LIN52: variants seen among roughly 807,000 people sequenced by gnomAD.
LIN52 encodes the protein protein lin-52 homolog.
A neutral mutation model predicts 18.5 loss-of-function variants in LIN52; 4 were observed. The ratio of observed to expected loss-of-function variants is 0.22; its 90% CI spans 0.11 to 0.49. The LOEUF (loss-of-function observed/expected upper bound fraction) is 0.49. Ranked by LOEUF, LIN52 falls within the 20% of genes least tolerant of loss-of-function variation. The pLI, the probability that LIN52 is intolerant of heterozygous loss-of-function variation, is 0.97. For missense variants in LIN52, 102 were observed against 139.5 expected (o/e 0.73, Z 1.35); for synonymous variants, 34 against 45.5 (o/e 0.75, Z 1.02).
chr14:74,103,733 GT>G (rs573188668), intron 5 of LIN52, among the ~76,000 whole-genome samples: 587 of 45,960 alleles, frequency 0.013, 12 homozygotes, highest in Admixed American at 0.018. Flanking sequence ...GGCCTGGCCA[GT>G]TTTTTTTTTT....
intron 5 of LIN52, among the ~76,000 whole-genome samples, chr14:74,179,896 T>C (rs1548769): frequency 0.78 from 117,967 of 152,050 alleles, 46,084 homozygotes; most frequent in Admixed American, 0.81. Context: ...GCTAATGGTT[T>C]TCAGACTTTA....
intron 5 of LIN52, among the ~76,000 whole-genome samples, chr14:74,130,714 C>T (rs1280560603): frequency 6.6e-6 from 1 of 151,246 alleles, no homozygotes; most frequent in Non-Finnish European, 1.5e-5. Context: ...CTCAGCCTCC[C>T]AAGTAGCTGG....
At chr14:74,174,092 C>G (rs1316896339) in intron 5 of LIN52, among the ~76,000 whole-genome samples, 4 of 152,244 alleles carry the variant, frequency 2.6e-5, no homozygotes, top group Non-Finnish European at 5.9e-5. Flanking sequence ...TTTTGCTCAG[C>G]TCTAGACATC....
intron 5 of LIN52, among the ~76,000 whole-genome samples, chr14:74,112,166 C>A (rs1248748977): frequency 6.6e-6 from 1 of 152,206 alleles, no homozygotes; most frequent in Non-Finnish European, 1.5e-5. Context: ...AGGCATGAGC[C>A]ACAGCACCTG....
chr14:74,135,240 A>G (rs2061090989), intron 5 of LIN52, among the ~76,000 whole-genome samples: 1 of 151,884 alleles, frequency 6.6e-6, no homozygotes, highest in African/African-American at 2.4e-5. Flanking sequence ...GATTTTTTAT[A>G]TTTTAGTAGA....
intron 1 of LIN52, among the ~76,000 whole-genome samples, chr14:74,089,693 TAGAG>T (rs1283099822): frequency 2.0e-5 from 3 of 152,018 alleles, no homozygotes; most frequent in Non-Finnish European, 4.4e-5. Context: ...TATATGTAAA[TAGAG>T]AGGGATTCAA....
chr14:74,105,005 A>G (rs564523652), intron 5 of LIN52, among the ~76,000 whole-genome samples: 1 of 152,298 alleles, frequency 6.6e-6, no homozygotes, highest in African/African-American at 2.4e-5. Context: ...TCTAAAAAGG[A>G]CTGTATCTTA....
intron 5 of LIN52, among the ~76,000 whole-genome samples, chr14:74,166,553 G>A (rs867669478): frequency 5.6e-4 from 85 of 152,220 alleles, no homozygotes; most frequent in African/African-American, 2.0e-3. Context: ...CATATTTTCA[G>A]TTTTGTGTCA....
chr14:74,173,294 TCTC>T (rs1375960352), intron 5 of LIN52, among the ~76,000 whole-genome samples: 1 of 152,150 alleles, frequency 6.6e-6, no homozygotes, highest in African/African-American at 2.4e-5. Context: ...TTCAAGTGAT[TCTC>T]CTGCCTCAGC....
chr14:74,173,050 C>G (rs1487297746), intron 5 of LIN52, among the ~76,000 whole-genome samples: 5 of 152,122 alleles, frequency 3.3e-5, no homozygotes, highest in African/African-American at 7.2e-5. Context: ...TAGCACAATA[C>G]TGACATAGAA....
intron 5 of LIN52, among the ~76,000 whole-genome samples, chr14:74,117,837 A>G (rs1217253191): frequency 6.6e-6 from 1 of 152,250 alleles, no homozygotes; most frequent in Non-Finnish European, 1.5e-5. Context: ...GGAAATCTGG[A>G]GAAATAATGA....
chr14:74,112,314 A>T (rs1475724973), intron 5 of LIN52, among the ~76,000 whole-genome samples: 34 of 136,636 alleles, frequency 2.5e-4, no homozygotes, highest in African/African-American at 6.6e-4. Flanking sequence ...GTTTTTTTTT[A>T]AATTTTTTTT....
rs545788419 is a variant in LIN52 at position 74,190,325 on chromosome 14, G to A, written c.284-8597G>A. Among the ~76,000 whole-genome samples, 3 of 147,092 alleles carry A rather than the reference G, an allele frequency of 2.0e-5. No individual in the cohort carries two copies. The East Asian group carries it at 6.2e-4, about 30-fold the overall frequency. On this transcript the variant is annotated intron_variant, in intron 5 of 5. Transcript: ENST00000555028. ...AGTCTGTGATAGTTTGATCCAGACTGTTCTTTTCTCAGGTATATAGTATTT... is the reference window on the plus strand; with the variant it reads ...AGTCTGTGATAGTTTGATCCAGACTATTCTTTTCTCAGGTATATAGTATTT...
chr14:74,130,281 T>TTTTTTTTTG (rs1566856524), intron 5 of LIN52, among the ~76,000 whole-genome samples: 4 of 77,398 alleles, frequency 5.2e-5, no homozygotes, highest in South Asian at 9.3e-4. Context: ...TTTTTTGGTT[T>TTTTTTTTTG]TTTTTTTTTT....
At chr14:74,102,085 A>G (rs2060861679) in intron 5 of LIN52, among the ~76,000 whole-genome samples, 1 of 152,270 alleles carries the variant, frequency 6.6e-6, no homozygotes, top group South Asian at 2.1e-4. Flanking sequence ...TTAGTTTACA[A>G]ATAAATTTAA....
chr14:74,112,333 G>A (rs576176534), intron 5 of LIN52, among the ~76,000 whole-genome samples: 80 of 150,604 alleles, frequency 5.3e-4, no homozygotes, highest in Middle Eastern at 3.4e-3. Flanking sequence ...TTTGAGACAG[G>A]GTTTCCCTCT....
At chr14:74,129,026 A>T (rs948375578) in intron 5 of LIN52, among the ~76,000 whole-genome samples, 1 of 152,180 alleles carries the variant, frequency 6.6e-6, no homozygotes, top group African/African-American at 2.4e-5. Context: ...AGTTTTTGAC[A>T]TGGGGTTTGG....
chr14:74,164,288 T>G (rs543180418), intron 5 of LIN52, among the ~76,000 whole-genome samples: 5 of 8,040 alleles, frequency 6.2e-4, no homozygotes, highest in Non-Finnish European at 1.3e-3. Flanking sequence ...GCCGTTTTTG[T>G]TTTTTTTTGC....
intron 5 of LIN52, among the ~76,000 whole-genome samples, chr14:74,157,313 A>G (rs1050168548): frequency 6.6e-6 from 1 of 151,992 alleles, no homozygotes; most frequent in Non-Finnish European, 1.5e-5. Flanking sequence ...GATTATAGGC[A>G]TGAGCCACCA....
Sources: gnomAD v4.1 joint callset for allele counts (sites outside exome capture counted in the v4.1 genomes callset) on GRCh38, gnomAD v4.1.1 for gene constraint, MANE v1.5 for transcripts, NCBI Gene and HGNC (gene_info 2026-07-23, HGNC 2026-07-21) for gene names.